The following NCOA2 variants were observed in gnomAD, a reference collection of about 807,000 sequenced individuals.
The protein encoded by NCOA2 is class E basic helix-loop-helix protein 75.
NCOA2 carries 21 observed loss-of-function variants against 145.1 expected under a neutral mutation model. The observed-to-expected ratio is 0.14, with a 90% CI of 0.10 to 0.21. The LOEUF (loss-of-function observed/expected upper bound fraction) is 0.21. Among genes scored for constraint, NCOA2 ranks in the 10% least tolerant of loss-of-function variants. NCOA2 has a pLI of 1.00. For missense variants in NCOA2, 1,472 were observed against 1,837.6 expected, an observed-to-expected ratio of 0.80 and a Z score of 3.64; for synonymous variants, 619 against 637.5, an observed-to-expected ratio of 0.97 and a Z score of 0.44.
intron 4 of NCOA2, among the ~76,000 whole-genome samples, chr8:70,212,637 T>C (rs1819156893): frequency 6.6e-6 from 1 of 152,192 alleles, no homozygotes; most frequent in Non-Finnish European, 1.5e-5. Flanking sequence ...GATATGCTAA[T>C]AGGTAGCTAG....
At chr8:70,441,842 G>GACAC in the NCOA2 span, among the ~76,000 whole-genome samples, 1 of 148,892 alleles carries the variant, frequency 6.7e-6, no homozygotes, top group African/African-American at 2.5e-5. Flanking sequence ...AAGAAAGAAA[G>GACAC]ACAGAAAGAC....
intron 18 of NCOA2, among the ~76,000 whole-genome samples, 157 bp from the exon 19 acceptor site, chr8:70,127,204 A>C (rs1271615136): frequency 6.6e-6 from 1 of 152,236 alleles, no homozygotes; most frequent in Non-Finnish European, 1.5e-5. Context: ...TTGAACAACT[A>C]GTGATTGAGA....
In NCOA2 at chr8:70,266,683, G is replaced by T. The variant is rs1452272433; in HGVS notation, c.-20+30061C>A. Among the ~76,000 whole-genome samples, 6 of 152,076 alleles carry T rather than the reference G, an allele frequency of 3.9e-5. No homozygotes were observed. In the East Asian group the frequency reaches 1.2e-3, roughly 29 times the overall value. ...TGTCTTCTAAGACCTTGCCACACAAGTCTTATCTAATCCATAAATGCCTCC... is the reference window on the plus strand; with the variant it reads ...TGTCTTCTAAGACCTTGCCACACAATTCTTATCTAATCCATAAATGCCTCC... On this transcript the variant is annotated intron_variant, in intron 2 of 22. Transcript: ENST00000452400.
In NCOA2 at chr8:70,141,176, C is replaced by A. The variant is rs1445259570; in HGVS notation, c.3028+8G>T. On this transcript the variant is annotated splice_region_variant and intron_variant, in intron 14 of 22. Coordinates refer to ENST00000452400, the MANE Select transcript of NCOA2 (RefSeq NM_006540.4). ...AGTTAAAAGCAAACAGCACTAGAGC[C>A]ACCTTACCTATATTCATGACCTGAG... 4 of 1,612,518 alleles carry A rather than the reference C, an allele frequency of 2.5e-6. No individual in the cohort carries two copies.
At chr8:70,308,561 G>A (rs569625859) in intron 1 of NCOA2, among the ~76,000 whole-genome samples, 1 of 152,072 alleles carries the variant, frequency 6.6e-6, no homozygotes, top group Non-Finnish European at 1.5e-5. Flanking sequence ...CATAGTTACA[G>A]GTATTCTCCT....
chr8:70,273,619 C>T, intron 2 of NCOA2: 1 of 743,290 alleles, frequency 1.3e-6, no homozygotes, highest in South Asian at 1.3e-5. Context: ...TGAACACTTT[C>T]ACCATTACAG....
chr8:70,231,073 C>G (rs1320873149), intron 2 of NCOA2, among the ~76,000 whole-genome samples: 1 of 152,112 alleles, frequency 6.6e-6, no homozygotes, highest in Non-Finnish European at 1.5e-5. Context: ...CTACAATAGT[C>G]TTAGAAATGT....
chr8:70,153,467 A>T (rs1811965069), intron 11 of NCOA2, among the ~76,000 whole-genome samples: 1 of 152,224 alleles, frequency 6.6e-6, no homozygotes, highest in South Asian at 2.1e-4. Context: ...CACATAAATA[A>T]ATACAGAAAT....
At chr8:70,378,665 G>A (rs890171258) in intron 1 of NCOA2, among the ~76,000 whole-genome samples, 2 of 148,578 alleles carry the variant, frequency 1.3e-5, no homozygotes, top group African/African-American at 2.5e-5. Context: ...CTTTCCCAAG[G>A]CCAATAATTT....
the NCOA2 span, among the ~76,000 whole-genome samples, chr8:70,453,131 G>T: frequency 2.0e-5 from 3 of 152,186 alleles, no homozygotes; most frequent in Non-Finnish European, 4.4e-5. Context: ...GAGCCTATTC[G>T]CCTAATGTTA....
At chr8:70,352,165 CTGTT>C (rs1697528975) in intron 1 of NCOA2, among the ~76,000 whole-genome samples, 1 of 152,032 alleles carries the variant, frequency 6.6e-6, no homozygotes, top group African/African-American at 2.4e-5. Context: ...TTTTAATTAA[CTGTT>C]TATTAAGCAT....
At chr8:70,434,895 A>G in the NCOA2 span, among the ~76,000 whole-genome samples, 39 of 152,150 alleles carry the variant, frequency 2.6e-4, 1 homozygote, top group Non-Finnish European at 1.5e-5. Context: ...TCTCATTTAT[A>G]TAATGAATCT....
At chr8:70,145,095 T>A (rs1366408331) in intron 12 of NCOA2, among the ~76,000 whole-genome samples, 4 of 152,226 alleles carry the variant, frequency 2.6e-5, no homozygotes, top group Non-Finnish European at 5.9e-5. Context: ...ATGTATATTA[T>A]TTACCATATA....
rs530314980 is a variant in NCOA2 at position 70,309,719 on chromosome 8, C to T, written c.-76-12919G>A. 2.0e-5 allele frequency among the ~76,000 whole-genome samples: 3 copies of T among 151,880 alleles called. No homozygotes were observed. The South Asian group carries it at 6.2e-4, about 32-fold the overall frequency. ...TAATCCCAACACTTTGGGAGGTCGA[C>T]ATGGGAGGATTGCTTGAACCTAGGA... On this transcript the variant is annotated intron_variant, in intron 1 of 22. Transcript: ENST00000452400.
At chr8:70,323,030 G>A (rs2136188323) in intron 1 of NCOA2, among the ~76,000 whole-genome samples, 1 of 152,284 alleles carries the variant, frequency 6.6e-6, no homozygotes, top group Admixed American at 6.5e-5. Context: ...GAGGCAAGCA[G>A]GTATTTCCCC....
At chr8:70,335,122 C>CAAAAAAAAAA (rs59460365) in intron 1 of NCOA2, among the ~76,000 whole-genome samples, 5 of 29,466 alleles carry the variant, frequency 1.7e-4, no homozygotes, top group African/African-American at 2.1e-4. Flanking sequence ...GACTCCATCT[C>CAAAAAAAAAA]AAAAAAAAAA....
intron 2 of NCOA2, among the ~76,000 whole-genome samples, chr8:70,227,354 T>C (rs990643581): frequency 2.0e-5 from 3 of 152,354 alleles, no homozygotes; most frequent in Admixed American, 6.5e-5. Context: ...TAATAAAGGC[T>C]TGTGGTTTGA....
chr8:70,358,626 C>T (rs1345078240), intron 1 of NCOA2, among the ~76,000 whole-genome samples: 3 of 152,120 alleles, frequency 2.0e-5, no homozygotes, highest in Non-Finnish European at 2.9e-5. Flanking sequence ...AGATCAACCA[C>T]CAAAATGTAA....
chr8:70,371,737 A>G (rs1811237203), intron 1 of NCOA2, among the ~76,000 whole-genome samples: 1 of 152,220 alleles, frequency 6.6e-6, no homozygotes, highest in Non-Finnish European at 1.5e-5. Context: ...CAGTCCCAAG[A>G]GGACATAAGA....
Sources: gnomAD v4.1 joint callset for allele counts (sites outside exome capture counted in the v4.1 genomes callset) on GRCh38, gnomAD v4.1.1 for gene constraint, MANE v1.5 for transcripts, NCBI Gene and HGNC (gene_info 2026-07-23, HGNC 2026-07-21) for gene names.